HTT: variants seen among roughly 807,000 people sequenced by gnomAD.
HTT encodes the protein huntington disease protein.
Under a neutral mutation model 362.3 loss-of-function variants are expected in HTT, and 104 were observed. The observed-to-expected ratio is 0.29, with a 90% confidence interval of 0.24 to 0.34. HTT has a LOEUF of 0.34. HTT is among the 10% of genes least tolerant of loss of function. The probability of loss-of-function intolerance (pLI) is 1.00; values close to 1 mark genes in which losing one functional copy is unlikely to be tolerated. For missense variants in HTT, 3,301 were observed against 3,928.6 expected (o/e 0.84, Z 4.27); for synonymous variants, 1,577 against 1,548.7 (o/e 1.02, Z -0.43).
Position 3,075,061 on chromosome 4 carries a change from C to T in HTT, c.236C>T (p.Ala79Val). 4.0e-6 allele frequency: 5 copies of T among 1,248,202 alleles called. No individual in the cohort carries two copies. The highest frequency in any genetic ancestry group is 5.0e-6 in the Non-Finnish European group (5 of 1,002,662). The allele number at this position is 1,248,202 out of a possible 1,614,324, so 77.3% of individuals were successfully genotyped here. ...PPPPPPPPGP[A>V]VAEEPLHRPK... is the part of the protein sequence containing the mutation. ...CCGCCCCCGCCGCCACCCGGCCCGG[C>T]TGTGGCTGAGGAGCCGCTGCACCGA... The change falls in exon 1 of 67, where the codon GCT becomes GTT. Residue 79 changes from alanine (A) to valine (V), a missense_variant. By Grantham distance (64) the Ala-to-Val change is moderately conservative. Around this residue, in one of 4 missense-constraint regions of HTT, gnomAD observed 2,316 missense variants for 2,658.5 expected, o/e 0.87. Coordinates refer to ENST00000355072, the MANE Select transcript of HTT (RefSeq NM_001388492.1).
intron 52 of HTT, among the ~76,000 whole-genome samples, chr4:3,219,023 A>T (rs906858895): frequency 2.0e-5 from 3 of 152,214 alleles, no homozygotes; most frequent in African/African-American, 7.2e-5. Context: ...CCTGAGAGAT[A>T]AGGATTCTGC....
intron 2 of HTT, among the ~76,000 whole-genome samples, chr4:3,090,254 C>G (rs1329642947): frequency 1.3e-5 from 2 of 152,218 alleles, no homozygotes; most frequent in East Asian, 3.8e-4. Flanking sequence ...TTTAAGCTCT[C>G]TAAAGTGGTC....
intron 46 of HTT, 117 bp downstream of exon 46, chr4:3,209,028 C>T (rs1033694216): frequency 1.7e-6 from 2 of 1,153,356 alleles, no homozygotes; most frequent in Non-Finnish European, 2.4e-6. Flanking sequence ...TGGCGCTCGG[C>T]TCGGCTCAGT....
rs761264421 is a variant in HTT, at chr4:3,212,027, G to T, written c.6513G>T (p.Val2171=). Residue 2171 remains valine, a synonymous_variant, in exon 48 of 67, where the codon GTG becomes GTT. Coordinates refer to ENST00000355072, the MANE Select transcript of HTT (RefSeq NM_001388492.1). The stretch of plus-strand genomic sequence containing the variant: ...CCCTTTTTGAAGCAGCCCGTGAGGT[G>T]ACTCTGGCCCGTGTGAGCGGCACCG... The part of the protein sequence containing the change: ...KSALFEAARE[V]TLARVSGTVQ... The T allele has an allele frequency of 1.2e-6, 2 of 1,614,182 alleles. No individual in the cohort carries two copies. The highest frequency in any genetic ancestry group is 1.7e-6 in the Non-Finnish European group (2 of 1,180,022).
intron 2 of HTT, among the ~76,000 whole-genome samples, chr4:3,089,514 A>T (rs1406417685): frequency 1.3e-5 from 2 of 152,150 alleles, no homozygotes; most frequent in Non-Finnish European, 2.9e-5. Flanking sequence ...CGGCCTCCCA[A>T]AGTGCTGGGA....
Position 3,116,143 on chromosome 4 carries a change from C to T in HTT, c.948C>T (p.Leu316=). 1.2e-6 allele frequency: 2 copies of T among 1,613,884 alleles called. No homozygotes were observed. Among genetic ancestry groups the T allele is most frequent in the Non-Finnish European group, 1.7e-6 (2 of 1,179,942 alleles). ...CTCTGCTGATTCTTGGCGTGCTGCTCACCCTGAGGTATTTGGTGCCCTTGC... is the reference window on the plus strand; with the variant it reads ...CTCTGCTGATTCTTGGCGTGCTGCTTACCCTGAGGTATTTGGTGCCCTTGC... The part of the protein sequence containing the change: ...HSTLLILGVL[L]TLRYLVPLLQ... Residue 316 remains leucine (L), a synonymous_variant, in exon 8 of 67, where the codon CTC becomes CTT. Transcript: ENST00000355072.
intron 40 of HTT, among the ~76,000 whole-genome samples, chr4:3,198,434 A>G (rs1719371213): frequency 6.6e-6 from 1 of 152,104 alleles, no homozygotes; most frequent in South Asian, 2.1e-4. Flanking sequence ...CATGTTGGTC[A>G]GGCTGGTCTC....
At chr4:3,078,880 G>A (rs1045644769) in intron 1 of HTT, among the ~76,000 whole-genome samples, 6 of 152,076 alleles carry the variant, frequency 3.9e-5, no homozygotes, top group African/African-American at 7.2e-5. Context: ...GACTACAGGC[G>A]CCTGCCACCA....
chr4:3,148,333 T>C (rs1716708626), intron 26 of HTT, 126 bp downstream of exon 26: 1 of 696,180 alleles, frequency 1.4e-6, no homozygotes, highest in Non-Finnish European at 2.3e-6. Context: ...ATTGCTCAGA[T>C]TGTGACACTA....
chr4:3,223,300 A>T (rs543615123), intron 54 of HTT, 106 bp from the exon 55 acceptor site: 2 of 1,134,512 alleles, frequency 1.8e-6, no homozygotes, highest in Middle Eastern at 2.2e-4. Flanking sequence ...GGTAGCACTT[A>T]AGGCTCCTCT....
chr4:3,235,344 C>T lies in HTT; in HGVS notation c.8517C>T (p.Leu2839=). Residue 2839 remains leucine (L), a synonymous_variant, in exon 62 of 67, where the codon CTC becomes CTT. Coordinates refer to ENST00000355072, the MANE Select transcript of HTT (RefSeq NM_001388492.1). ...TCATGTGTGCCACTGCGTTTTACCT[C>T]ATTGAGAACTATCCTCTGGACGTAG... ...VLVMCATAFY[L]IENYPLDVGP... is the part of the protein sequence containing the mutation. 5 of 1,614,014 alleles carry T rather than the reference C, an allele frequency of 3.1e-6. No homozygotes were observed. Among genetic ancestry groups the T allele is most frequent in the Non-Finnish European group, 4.2e-6 (5 of 1,179,872 alleles).
In HTT at chr4:3,086,994, T is replaced by C. The variant is rs1287073928; in HGVS notation, c.319T>C (p.Cys107Arg). The C allele has an allele frequency of 1.2e-6, 2 of 1,605,594 alleles. No individual in the cohort carries two copies. The highest frequency in any genetic ancestry group is 1.1e-5 in the South Asian group (1 of 90,742). The change falls in exon 2 of 67, where the codon TGT becomes CGT. Residue 107 changes from cysteine to arginine, a missense_variant. Coordinates refer to ENST00000355072, the MANE Select transcript of HTT (RefSeq NM_001388492.1). Reference sequence around the variant, plus strand: ...CCGTGTGAATCATTGTCTGACAATATGTGAAAACATAGTGGCACAGTCTGT... The same window carrying C: ...CCGTGTGAATCATTGTCTGACAATACGTGAAAACATAGTGGCACAGTCTGT... ...KDRVNHCLTI[C>R]ENIVAQSVRN...
At chr4:3,157,577 G>A (rs1194886827) in intron 28 of HTT, among the ~76,000 whole-genome samples, 1 of 152,088 alleles carries the variant, frequency 6.6e-6, no homozygotes, top group Non-Finnish European at 1.5e-5. Flanking sequence ...CCTAACATGA[G>A]CCACAATTCC....
At chr4:3,131,237 A>G (rs1715798534) in intron 14 of HTT, 49 bp from the exon 15 acceptor site, 1 of 1,288,992 alleles carries the variant, frequency 7.8e-7, no homozygotes, top group Non-Finnish European at 1.1e-6. Flanking sequence ...CTAATGCATG[A>G]ATGTATTGTT....
chr4:3,130,054 G>A lies in HTT; in HGVS notation c.1867+7G>A. 1 of 1,595,720 alleles carries A rather than the reference G, an allele frequency of 6.3e-7. No individual in the cohort carries two copies. The highest frequency in any genetic ancestry group is 8.5e-7 in the Non-Finnish European group (1 of 1,172,642). ...TTCAGGAACTCTTCCATGGGTATGT[G>A]GACTACAGGTGATGCGCTACAAAGT... On this transcript the variant is annotated splice_region_variant and intron_variant, in intron 13 of 66. Transcript: ENST00000355072.
At chr4:3,163,851 T>C (rs527559645) in intron 29 of HTT, among the ~76,000 whole-genome samples, 2 of 152,252 alleles carry the variant, frequency 1.3e-5, no homozygotes, top group South Asian at 4.1e-4. Flanking sequence ...ACCTATTTTA[T>C]TGATCTTTTC....
chr4:3,090,228 T>C (rs1713426919), intron 2 of HTT, among the ~76,000 whole-genome samples: 1 of 152,248 alleles, frequency 6.6e-6, no homozygotes, highest in Admixed American at 6.5e-5. Flanking sequence ...ATGTATATTG[T>C]GAAAATGTAG....
rs1716630311 is a variant in HTT at position 3,146,915 on chromosome 4, G to C, written c.3262G>C (p.Asp1088His). ...WFPLDLSAHQ[D>H]ALILAGNLLA... Reference sequence around the variant, plus strand: ...CCCATTGGATCTCTCAGCCCATCAAGATGCTTTGATTTTGGCCGGAAACTT... The same window carrying C: ...CCCATTGGATCTCTCAGCCCATCAACATGCTTTGATTTTGGCCGGAAACTT... Residue 1088 changes from aspartate to histidine, a missense_variant, in exon 25 of 67, where the codon GAT becomes CAT. Coordinates refer to ENST00000355072, the MANE Select transcript of HTT (RefSeq NM_001388492.1). 1 of 1,614,164 alleles carries C rather than the reference G, an allele frequency of 6.2e-7. No individual in the cohort carries two copies. Among genetic ancestry groups the C allele is most frequent in the Admixed American group, 1.7e-5 (1 of 60,020 alleles).
intron 57 of HTT, among the ~76,000 whole-genome samples, chr4:3,226,934 C>T (rs1408140478): frequency 6.6e-6 from 1 of 152,222 alleles, no homozygotes; most frequent in Non-Finnish European, 1.5e-5. Flanking sequence ...GTCCTTTCAC[C>T]TTTGACAGAT....
Sources: allele counts gnomAD v4.1 joint callset (sites outside exome capture counted in the v4.1 genomes callset), GRCh38; gene constraint gnomAD v4.1.1; regional missense constraint gnomAD v4.1.1; transcripts MANE v1.5; gene names NCBI Gene and HGNC (gene_info 2026-07-23, HGNC 2026-07-21).